The following OTOG variants were observed in gnomAD, a reference collection of about 807,000 sequenced individuals.
OTOG encodes the protein otogelin.
Under a neutral mutation model 313.8 loss-of-function variants are expected in OTOG, and 296 were observed. That is an observed-to-expected ratio of 0.94 (90% confidence interval 0.86 to 1.04). OTOG has a LOEUF of 1.04. Ranked by LOEUF, OTOG falls within the 50% of genes least tolerant of loss-of-function variation. The pLI is 0.00. For missense variants in OTOG, 3,948 were observed against 3,840.1 expected, an observed-to-expected ratio of 1.03 and a Z score of -0.74; for synonymous variants, 1,533 against 1,554.9, an observed-to-expected ratio of 0.99 and a Z score of 0.33.
chr11:17,636,402 A>G (rs1428771740), intron 47 of OTOG, among the ~76,000 whole-genome samples: 1 of 152,216 alleles, frequency 6.6e-6, no homozygotes, highest in Non-Finnish European at 1.5e-5. Context: ...AATATTATTC[A>G]ATTTACAAAA....
At chr11:17,568,708 G>A (rs571821333) in intron 15 of OTOG, among the ~76,000 whole-genome samples, 77 of 152,314 alleles carry the variant, frequency 5.1e-4, no homozygotes, top group African/African-American at 1.8e-3. Context: ...GAGAACCTGA[G>A]GCCCAGAGAA....
intron 25 of OTOG, among the ~76,000 whole-genome samples, chr11:17,592,740 G>A (rs748541329): frequency 2.5e-4 from 38 of 152,112 alleles, no homozygotes; most frequent in Admixed American, 1.6e-3. Flanking sequence ...TGGACATTTA[G>A]GTTGTCTCCA....
chr11:17,613,195 TTTTCTTTC>T (rs1191747829), intron 38 of OTOG, among the ~76,000 whole-genome samples: 2,943 of 65,072 alleles, frequency 0.045, 36 homozygotes, highest in Non-Finnish European at 0.05. Context: ...TCTTTCTTTC[TTTTCTTTC>T]TTTCTTTCTT....
intron 25 of OTOG, 139 bp downstream of exon 25, chr11:17,591,727 A>T: frequency 8.7e-7 from 1 of 1,146,472 alleles, no homozygotes; most frequent in African/African-American, 1.5e-5. Context: ...AGACTGGAAG[A>T]AGTGCTGAGG....
intron 39 of OTOG, among the ~76,000 whole-genome samples, chr11:17,628,356 T>C (rs1854035344): frequency 6.6e-6 from 1 of 152,178 alleles, no homozygotes; most frequent in South Asian, 2.1e-4. Context: ...AGTCTAATCT[T>C]GAAGGGAGGA....
At chr11:17,588,843 C>T (rs959614879) in intron 24 of OTOG, among the ~76,000 whole-genome samples, 1 of 152,046 alleles carries the variant, frequency 6.6e-6, no homozygotes, top group African/African-American at 2.4e-5. Flanking sequence ...AGCCCATATC[C>T]CAATGCGTCT....
chr11:17,637,060 T>C (rs1854283859), intron 47 of OTOG, among the ~76,000 whole-genome samples: 1 of 152,190 alleles, frequency 6.6e-6, no homozygotes, highest in Non-Finnish European at 1.5e-5. Context: ...ATATGCATTG[T>C]AGAAAGTACG....
rs1852996681 is a variant in OTOG at position 17,593,315 on chromosome 11, C to T, written c.3129C>T (p.Asp1043=). ...VGNSLIVFDD[D]SGNPSPESFL... ...ACTCACTCATTGTCTTTGATGATGA[C>T]TCCGGAAATCCTGTAAGGCTCAGTG... Residue 1043 remains aspartate, a synonymous_variant, in exon 26 of 56, where the codon GAC becomes GAT. Coordinates refer to ENST00000399397, the MANE Select transcript of OTOG (RefSeq NM_001292063.2). 1 of 1,550,482 alleles carries T rather than the reference C, an allele frequency of 6.4e-7. No homozygotes were observed.
At chr11:17,554,336 G>T (rs746597915) in intron 6 of OTOG, among the ~76,000 whole-genome samples, 1 of 152,182 alleles carries the variant, frequency 6.6e-6, no homozygotes. Flanking sequence ...CCTAGGCCAG[G>T]GGTCATGTCT....
Position 17,555,209 on chromosome 11 carries a change from G to GAGA in OTOG, c.541-570_541-569insAGA, listed in dbSNP as rs1206377145. Among the ~76,000 whole-genome samples the GAGA allele has an allele frequency of 2.9e-3, 423 of 143,848 alleles. 2 individuals are homozygous for GAGA. The highest frequency in any genetic ancestry group is 3.8e-3 in the South Asian group (18 of 4,690). The allele number at this position is 143,848 out of a possible 152,430, so 94.4% of individuals were successfully genotyped here. ...CTGTCTGAATGGCGGGGGCAGAGATGTGTGTGTGTGTGTGTGTGTGTGTGT... is the reference window on the plus strand; with the variant it reads ...CTGTCTGAATGGCGGGGGCAGAGATGAGATGTGTGTGTGTGTGTGTGTGTGTGT... On this transcript the variant is annotated intron_variant, in intron 6 of 55. Transcript: ENST00000399397.
chr11:17,598,522 A>C (rs1354108340), intron 30 of OTOG, among the ~76,000 whole-genome samples: 1 of 152,180 alleles, frequency 6.6e-6, no homozygotes, highest in African/African-American at 2.4e-5. Context: ...TAAATTTCAC[A>C]TCCAAGATGA....
At chr11:17,582,191 C>T (rs1462984787) in intron 23 of OTOG, among the ~76,000 whole-genome samples, 1 of 152,144 alleles carries the variant, frequency 6.6e-6, no homozygotes, top group Non-Finnish European at 1.5e-5. Flanking sequence ...CCCTCATACT[C>T]CGTTGTAGTC....
Position 17,612,611 on chromosome 11 carries a change from C to G in OTOG, c.6293-9C>G. ...CACCTATTCTTCTTGTGCCCTGCCCCTCCCCCAGGCCGGTGCTCAATCTTC... is the reference window on the plus strand; with the variant it reads ...CACCTATTCTTCTTGTGCCCTGCCCGTCCCCCAGGCCGGTGCTCAATCTTC... On this transcript the variant is annotated splice_polypyrimidine_tract_variant and intron_variant, in intron 37 of 55. Transcript: ENST00000399397. The G allele has an allele frequency of 3.9e-6, 6 of 1,548,854 alleles. No individual in the cohort carries two copies. The highest frequency in any genetic ancestry group is 5.2e-6 in the Non-Finnish European group (6 of 1,145,990).
chr11:17,599,472 G>A (rs1250572093), intron 30 of OTOG, among the ~76,000 whole-genome samples, 199 bp from the exon 31 acceptor site: 1 of 152,090 alleles, frequency 6.6e-6, no homozygotes, highest in African/African-American at 2.4e-5. Flanking sequence ...TCGTGCTGTC[G>A]GCCCAGAGAG....
chr11:17,579,348 C>G (rs1590016988), intron 23 of OTOG, among the ~76,000 whole-genome samples: 2 of 152,134 alleles, frequency 1.3e-5, no homozygotes, highest in Non-Finnish European at 1.5e-5. Context: ...AAGACACTTT[C>G]ATGTTATTAC....
intron 25 of OTOG, 45 bp from the exon 26 acceptor site, chr11:17,593,148 C>CA: frequency 6.6e-7 from 1 of 1,520,812 alleles, no homozygotes; most frequent in South Asian, 1.2e-5. Flanking sequence ...TTGGCAGGAT[C>CA]TCCTTTCTCC....
chr11:17,575,659 T>C (rs2134031144), intron 20 of OTOG, among the ~76,000 whole-genome samples: 1 of 152,296 alleles, frequency 6.6e-6, no homozygotes, highest in South Asian at 2.1e-4. Flanking sequence ...ACACATTTGA[T>C]TGGTGGTCTT....
chr11:17,636,698 A>C (rs1254555530), intron 47 of OTOG, among the ~76,000 whole-genome samples: 3 of 147,120 alleles, frequency 2.0e-5, no homozygotes, highest in Non-Finnish European at 4.5e-5. Context: ...TTCTATCATT[A>C]CCCCTCCCCC....
chr11:17,561,200 G>A (rs1353256927), intron 14 of OTOG, 63 bp downstream of exon 14: 6 of 1,529,464 alleles, frequency 3.9e-6, no homozygotes, highest in Non-Finnish European at 4.4e-6. Context: ...TTTGGGGCAA[G>A]GAATCTCTGG....
Sources: gnomAD v4.1 joint callset for allele counts (sites outside exome capture counted in the v4.1 genomes callset) on GRCh38, gnomAD v4.1.1 for gene constraint, MANE v1.5 for transcripts, NCBI Gene and HGNC (gene_info 2026-07-23, HGNC 2026-07-21) for gene names.